MTCL1: variants seen among roughly 807,000 people sequenced by gnomAD.
MTCL1 encodes microtubule cross-linking factor 1.
MTCL1 carries 79 observed loss-of-function variants against 141.4 expected under a neutral mutation model. That is an observed-to-expected ratio of 0.56 (90% CI 0.47 to 0.67). The LOEUF is 0.67. MTCL1 is among the 30% of genes least tolerant of loss of function. The pLI is 0.00. For synonymous variants in MTCL1, 914 were observed against 875.8 expected (o/e 1.04, Z -0.77); for missense variants, 2,177 against 2,113.9 (o/e 1.03, Z -0.59).
intron 7 of MTCL1, chr18:8,789,655 G>A (rs1316310731): frequency 1.0e-6 from 1 of 985,300 alleles, no homozygotes; most frequent in Non-Finnish European, 1.2e-6. Flanking sequence ...AGTGAGGGTG[G>A]TGGTGGTTTA....
chr18:8,707,607 T>A (rs866133534), intron 1 of MTCL1: 3 of 152,602 alleles, frequency 2.0e-5, no homozygotes, highest in Non-Finnish European at 2.9e-5. Flanking sequence ...TGACACCAAC[T>A]GTTTTATTTA....
intron 7 of MTCL1, among the ~76,000 whole-genome samples, chr18:8,791,345 C>T (rs894012955): frequency 6.6e-6 from 1 of 151,496 alleles, no homozygotes; most frequent in Non-Finnish European, 1.5e-5. Context: ...CAGTTTGGTC[C>T]GGGAATCCCC....
upstream of MTCL1, among the ~76,000 whole-genome samples, chr18:8,716,568 C>CTTTTTTTTTTTTTTTTTTTTT (rs1567928941): frequency 1.8e-5 from 2 of 108,892 alleles, 1 homozygote; most frequent in Admixed American, 2.1e-4. Flanking sequence ...TCTTTTTGTT[C>CTTTTTTTTTTTTTTTTTTTTT]ATTTTTTTTT....
intron 14 of MTCL1, 40 bp from the exon 14 acceptor site, chr18:8,824,659 C>G: frequency 1.3e-6 from 2 of 1,547,038 alleles, no homozygotes; most frequent in Non-Finnish European, 1.8e-6. Context: ...GTCAGAGGCT[C>G]CCTGGCAGGT....
chr18:8,725,790 C>CTTTTTTTTTTT (rs796484848), intron 4 of MTCL1, among the ~76,000 whole-genome samples: 2 of 61,070 alleles, frequency 3.3e-5, no homozygotes, highest in Admixed American at 2.8e-4. Context: ...TTTTTTTTTT[C>CTTTTTTTTTTT]TTTTTTTTTT....
chr18:8,713,378 C>T (rs926804783), upstream of MTCL1, among the ~76,000 whole-genome samples: 10 of 152,200 alleles, frequency 6.6e-5, no homozygotes, highest in African/African-American at 2.4e-4. Flanking sequence ...CAGCGATTTT[C>T]CAATTTTATG....
chr18:8,706,599 C>T (rs1374489382), exon 1 of MTCL1: 1 of 1,521,232 alleles, frequency 6.6e-7, no homozygotes. Context: ...GACCAGTCCC[C>T]GGGACCCCCA....
chr18:8,729,366 ATTG>A (rs1652459141), intron 4 of MTCL1, among the ~76,000 whole-genome samples: 1 of 151,340 alleles, frequency 6.6e-6, no homozygotes, highest in Non-Finnish European at 1.5e-5. Flanking sequence ...ATTTTTTTTC[ATTG>A]TTGAGTTTTG....
At chr18:8,709,730 A>G (rs2096076589) in intron 1 of MTCL1, among the ~76,000 whole-genome samples, 1 of 152,240 alleles carries the variant, frequency 6.6e-6, no homozygotes, top group Non-Finnish European at 1.5e-5. Context: ...CCAAAGCCCA[A>G]TTCAATAGAA....
chr18:8,815,083 A>G (rs1202876859), intron 12 of MTCL1, among the ~76,000 whole-genome samples: 1 of 152,118 alleles, frequency 6.6e-6, no homozygotes, highest in Non-Finnish European at 1.5e-5. Context: ...AGGGATCTAG[A>G]ACTAGAAATA....
intron 4 of MTCL1, among the ~76,000 whole-genome samples, chr18:8,725,078 A>T (rs606177): frequency 0.81 from 122,526 of 151,844 alleles, 49,940 homozygotes; most frequent in East Asian, 0.95. Context: ...TCTTAAAGAT[A>T]GCCCTAATTC....
At chr18:8,772,263 G>A (rs1026902196) in intron 4 of MTCL1, among the ~76,000 whole-genome samples, 1 of 152,192 alleles carries the variant, frequency 6.6e-6, no homozygotes, top group African/African-American at 2.4e-5. Flanking sequence ...GGCTATATTC[G>A]AAGGACCAAG....
chr18:8,741,092 A>T (rs983558159), intron 4 of MTCL1, among the ~76,000 whole-genome samples: 24 of 152,338 alleles, frequency 1.6e-4, no homozygotes, highest in African/African-American at 5.1e-4. Context: ...GATTTTCTTG[A>T]GTCCCCATCA....
chr18:8,793,241 GCACGTATGGAAAGGTCACCCAGT>G (rs1358016315), intron 8 of MTCL1, 121 bp downstream of exon 7: 8 of 1,371,470 alleles, frequency 5.8e-6, no homozygotes, highest in Non-Finnish European at 7.9e-6. Context: ...AGACTCCTGG[GCACGTATGGAAAGGTCACCCAGT>G]CAAGCTGTCC....
chr18:8,786,084 G>T (rs2096552991), exon 7 of MTCL1: 1 of 1,568,802 alleles, frequency 6.4e-7, no homozygotes, highest in African/African-American at 1.4e-5. Context: ...ACCTGCTTCA[G>T]CCTGGAGGTC....
At chr18:8,750,369 C>T (rs188031680) in intron 4 of MTCL1, among the ~76,000 whole-genome samples, 11 of 152,298 alleles carry the variant, frequency 7.2e-5, no homozygotes, top group Admixed American at 6.5e-4. Context: ...TATGTCTTTC[C>T]CTGGTGTGAC....
At chr18:8,761,511 T>C (rs754932529) in intron 4 of MTCL1, among the ~76,000 whole-genome samples, 10 of 152,202 alleles carry the variant, frequency 6.6e-5, no homozygotes, top group Non-Finnish European at 1.3e-4. Context: ...CCTCCTGCCC[T>C]TCACCCTGGT....
chr18:8,795,710 G>A (rs912760915), intron 8 of MTCL1, among the ~76,000 whole-genome samples: 2 of 152,228 alleles, frequency 1.3e-5, no homozygotes, highest in South Asian at 2.1e-4. Flanking sequence ...CTGCATATTC[G>A]GAAGAATTCC....
rs1277015469 is a variant in MTCL1 at position 8,828,190 on chromosome 18, T to A, written c.4723-718T>A. On this transcript the variant is annotated intron_variant, in intron 15 of 16. Coordinates refer to ENST00000359865, the Ensembl canonical transcript of MTCL1. The surrounding 1 kb of genome is among the most constrained non-coding windows in gnomAD (Gnocchi z 5.2). ...GCGTTCCCAAATCCCCAGGACTACTTCTGATTCCAAGCCCACCCAGTGCGC... is the reference window on the plus strand; with the variant it reads ...GCGTTCCCAAATCCCCAGGACTACTACTGATTCCAAGCCCACCCAGTGCGC... Among the ~76,000 whole-genome samples, 1 of 152,184 alleles carries A rather than the reference T, an allele frequency of 6.6e-6. No homozygotes were observed. The highest frequency in any genetic ancestry group is 2.4e-5 in the African/African-American group (1 of 41,440).
Sources: allele counts gnomAD v4.1 joint callset (sites outside exome capture counted in the v4.1 genomes callset), GRCh38; gene constraint gnomAD v4.1.1; non-coding constraint Gnocchi (gnomAD v3.1); transcripts MANE v1.5; gene names NCBI Gene and HGNC (gene_info 2026-07-23, HGNC 2026-07-21).